The following RASA3 variants were observed in gnomAD, a reference collection of about 807,000 sequenced individuals.
The protein encoded by RASA3 is RAS p21 protein activator 3.
Under a neutral mutation model 110.0 loss-of-function variants are expected in RASA3, and 73 were observed. That is an observed-to-expected ratio of 0.66 (90% CI 0.55 to 0.81). The LOEUF (loss-of-function observed/expected upper bound fraction) is 0.81, where lower values mean the gene tolerates loss of function less well. Among genes scored for constraint, RASA3 ranks in the 30% least tolerant of loss-of-function variants. RASA3 has a pLI of 0.00. For missense variants in RASA3, 976 were observed against 1,113.2 expected, an observed-to-expected ratio of 0.88 and a Z score of 1.75; for synonymous variants, 500 against 451.4, an observed-to-expected ratio of 1.11 and a Z score of -1.37.
In RASA3 at chr13:114,115,219, G is replaced by A. The variant is rs140717359; in HGVS notation, c.55+17216C>T. Among the ~76,000 whole-genome samples the A allele has an allele frequency of 2.1e-3, 327 of 152,328 alleles. 5 individuals are homozygous for A. Among genetic ancestry groups the A allele is most frequent in the Admixed American group, 0.018 (279 of 15,302 alleles). On this transcript the variant is annotated intron_variant, in intron 1 of 23. Coordinates refer to ENST00000334062, the MANE Select transcript of RASA3 (RefSeq NM_007368.4). The surrounding 1 kb of genome is among the most constrained non-coding windows in gnomAD (Gnocchi z 5.0). ...ATCGGCAGCTTCCATTATGTCCAGC[G>A]GTAACATGTTTACGGTCCCTGTGCC...
intron 1 of RASA3, 44 bp downstream of exon 1, chr13:114,132,391 G>T (rs1416615711): frequency 1.4e-6 from 2 of 1,477,472 alleles, no homozygotes; most frequent in Non-Finnish European, 1.8e-6. Context: ...AGAGGACAGG[G>T]TCGGGCCGGG....
intron 18 of RASA3, 130 bp downstream of exon 18, chr13:114,007,387 CCCTCCTGCCCTGCTGG>C: frequency 6.7e-6 from 3 of 446,374 alleles, no homozygotes; most frequent in African/African-American, 6.3e-5. Context: ...TACCCTTCTC[CCCTCCTGCCCTGCTGG>C]ACGCCACCTT....
At chr13:114,019,455 G>A (rs2053867550) in intron 9 of RASA3, among the ~76,000 whole-genome samples, 2 of 152,232 alleles carry the variant, frequency 1.3e-5, no homozygotes, top group Admixed American at 1.3e-4. Context: ...CTCATTTGTG[G>A]GCCAGGCAGT....
rs1250858468 is a variant in RASA3, at chr13:114,096,148, C to T, written c.56-22311G>A. On this transcript the variant is annotated intron_variant, in intron 1 of 23. Coordinates refer to ENST00000334062, the MANE Select transcript of RASA3 (RefSeq NM_007368.4). This position sits in a 1 kb window ranked among gnomAD's most constrained non-coding sequence, Gnocchi z 5.1. ...GCTCTCTGGGTGGCCTGGGTGGCATCGGTGTGCCGGAAAAGGGGTGCTCTC... is the reference window on the plus strand; with the variant it reads ...GCTCTCTGGGTGGCCTGGGTGGCATTGGTGTGCCGGAAAAGGGGTGCTCTC... Among the ~76,000 whole-genome samples the T allele has an allele frequency of 1.3e-5, 2 of 151,984 alleles. No individual in the cohort carries two copies. The highest frequency in any genetic ancestry group is 2.4e-5 in the African/African-American group (1 of 41,346).
At chr13:114,045,287 T>C (rs1163266660) in intron 3 of RASA3, among the ~76,000 whole-genome samples, 1 of 152,188 alleles carries the variant, frequency 6.6e-6, no homozygotes, top group African/African-American at 2.4e-5. Context: ...TACCGAACAC[T>C]CTGGGCCTCC....
intron 1 of RASA3, among the ~76,000 whole-genome samples, chr13:114,125,106 T>G (rs115826630): frequency 6.6e-6 from 1 of 152,282 alleles, no homozygotes; most frequent in African/African-American, 2.4e-5. Context: ...TCATTTTGCT[T>G]CTTTTGAATC....
intron 1 of RASA3, among the ~76,000 whole-genome samples, chr13:114,131,305 GAGA>G (rs2080514718): frequency 1.3e-5 from 2 of 152,162 alleles, no homozygotes; most frequent in Non-Finnish European, 1.5e-5. Context: ...CTCAGTGGGG[GAGA>G]AGGACCGTGG....
intron 1 of RASA3, among the ~76,000 whole-genome samples, chr13:114,091,130 A>G (rs970192194): frequency 1.3e-5 from 2 of 152,154 alleles, no homozygotes; most frequent in Non-Finnish European, 2.9e-5. Flanking sequence ...TCAACTTTAA[A>G]TAACAGTCCC....
rs2053144227 is a variant in RASA3 at position 113,992,568 on chromosome 13, T to C, written c.2162A>G (p.Gln721Arg). The C allele has an allele frequency of 6.8e-6, 11 of 1,613,354 alleles. No individual in the cohort carries two copies. The highest frequency in any genetic ancestry group is 8.5e-6 in the Non-Finnish European group (10 of 1,179,742). Reference protein sequence around the residue: ...PCTGGLPANIQLDIDGDRETE... With the variant: ...PCTGGLPANIRLDIDGDRETE... The stretch of plus-strand genomic sequence containing the variant: ...CTCACGGTCCCCATCAATGTCCAGC[T>C]GGATGTTGGCTGGGAGGCCGCTGTC... The change falls in exon 22 of 24, where the codon CAG (glutamine) becomes CGG (arginine). Residue 721 changes from glutamine to arginine, a missense_variant. This residue lies in a region of RASA3 where 132 missense variants were observed against 152.8 expected (regional missense o/e 0.86). Coordinates refer to ENST00000334062, the MANE Select transcript of RASA3 (RefSeq NM_007368.4).
chr13:114,012,784 T>C (rs1219096498), intron 15 of RASA3, among the ~76,000 whole-genome samples: 1 of 47,786 alleles, frequency 2.1e-5, no homozygotes. Context: ...CCTTCCACAC[T>C]CCCCACGCAG....
intron 1 of RASA3, among the ~76,000 whole-genome samples, chr13:114,099,053 A>ACCCCT: frequency 2.0e-3 from 1 of 506 alleles, no homozygotes; most frequent in African/African-American, 8.5e-3. Context: ...CCCCCAGACC[A>ACCCCT]CAGCAGTCGG....
At chr13:114,081,935 A>G (rs547726847) in intron 1 of RASA3, among the ~76,000 whole-genome samples, 13 of 152,180 alleles carry the variant, frequency 8.5e-5, no homozygotes, top group Admixed American at 3.3e-4. Context: ...GTCCACACAC[A>G]GGACCTCACA....
intron 1 of RASA3, among the ~76,000 whole-genome samples, chr13:114,078,974 G>T (rs982456722): frequency 6.6e-6 from 1 of 152,246 alleles, no homozygotes; most frequent in Non-Finnish European, 1.5e-5. Flanking sequence ...CCTCCCTGCA[G>T]GCATCCTGGG....
intron 1 of RASA3, among the ~76,000 whole-genome samples, chr13:114,131,687 C>G (rs1387165175): frequency 2.6e-5 from 4 of 152,256 alleles, no homozygotes; most frequent in Non-Finnish European, 4.4e-5. Context: ...CGGGAGCCCT[C>G]AGCCAGAACG....
intron 1 of RASA3, among the ~76,000 whole-genome samples, chr13:114,100,163 G>A (rs908024629): frequency 1.3e-4 from 20 of 151,598 alleles, no homozygotes; most frequent in African/African-American, 4.8e-4. Flanking sequence ...ACGCCGAATG[G>A]TAAATGGAGG....
At position 114,096,167 on chromosome 13, in the gene RASA3, T is replaced by G. The variant is rs1385565795; in HGVS notation, c.56-22330A>C. ...TGGCATCGGTGTGCCGGAAAAGGGG[T>G]GCTCTCCAGGTGGCCCTGGCGGCAT... On this transcript the variant is annotated intron_variant, in intron 1 of 23. Coordinates refer to ENST00000334062, the MANE Select transcript of RASA3 (RefSeq NM_007368.4). The surrounding 1 kb of genome is among the most constrained non-coding windows in gnomAD (Gnocchi z 5.1). Among the ~76,000 whole-genome samples, 1 of 151,558 alleles carries G rather than the reference T, an allele frequency of 6.6e-6. No individual in the cohort carries two copies. The highest frequency in any genetic ancestry group is 1.5e-5 in the Non-Finnish European group (1 of 67,928).
chr13:114,048,659 C>A lies in RASA3; in HGVS notation c.277+3393G>T, dbSNP rs1052755676. ...AGGCCGCCTCCCTGCGCCTGGAATC[C>A]CGAAGGAGCCTGCGCCCCGTGTGTC... On this transcript the variant is annotated intron_variant, in intron 3 of 23. Coordinates refer to ENST00000334062, the MANE Select transcript of RASA3 (RefSeq NM_007368.4). This position sits in a 1 kb window ranked among gnomAD's most constrained non-coding sequence, Gnocchi z 4.3. Among the ~76,000 whole-genome samples, 1 of 152,220 alleles carries A rather than the reference C, an allele frequency of 6.6e-6. No homozygotes were observed. The highest frequency in any genetic ancestry group is 2.4e-5 in the African/African-American group (1 of 41,452).
chr13:114,005,604 G>A (rs1436630010), intron 18 of RASA3, among the ~76,000 whole-genome samples: 1 of 152,188 alleles, frequency 6.6e-6, no homozygotes, highest in Non-Finnish European at 1.5e-5. Flanking sequence ...CCAGCCCCAA[G>A]TGCGGGTGTG....
intron 20 of RASA3, among the ~76,000 whole-genome samples, chr13:113,998,916 GT>G (rs752621429): frequency 9.2e-5 from 14 of 152,250 alleles, no homozygotes; most frequent in Non-Finnish European, 1.8e-4. Context: ...CTCGAATGTG[GT>G]CGCGCCGGCG....
Sources: gnomAD v4.1 joint callset for allele counts (sites outside exome capture counted in the v4.1 genomes callset) on GRCh38, gnomAD v4.1.1 for gene constraint, gnomAD v4.1.1 regional missense constraint, Gnocchi (gnomAD v3.1) non-coding constraint, MANE v1.5 for transcripts, NCBI Gene and HGNC (gene_info 2026-07-23, HGNC 2026-07-21) for gene names.